Variants in MCC observed in about 807,000 individuals in gnomAD.
The protein encoded by MCC is colorectal mutant cancer protein.
A neutral mutation model predicts 116.2 loss-of-function variants in MCC; 90 were observed. That is an observed-to-expected ratio of 0.77 (90% CI 0.65 to 0.92). MCC has a LOEUF of 0.92. Ranked by LOEUF, MCC falls within the 40% of genes least tolerant of loss-of-function variation. The pLI is 0.00. For missense variants in MCC, 1,516 were observed against 1,312.2 expected, an observed-to-expected ratio of 1.16 and a Z score of -2.40; for synonymous variants, 578 against 510.5, an observed-to-expected ratio of 1.13 and a Z score of -1.78.
intron 1 of MCC, among the ~76,000 whole-genome samples, chr5:113,475,010 C>T (rs1328020846): frequency 6.6e-6 from 1 of 152,158 alleles, no homozygotes; most frequent in Non-Finnish European, 1.5e-5. Context: ...ATGCAGAATT[C>T]TGATATTTAA....
intron 3 of MCC, among the ~76,000 whole-genome samples, chr5:113,153,133 C>G (rs566133934): frequency 6.6e-6 from 1 of 152,310 alleles, no homozygotes; most frequent in South Asian, 2.1e-4. Flanking sequence ...ATTATACCAA[C>G]TCTTGAGAAA....
At chr5:113,237,388 C>T (rs73244763) in intron 3 of MCC, among the ~76,000 whole-genome samples, 6,694 of 152,096 alleles carry the variant, frequency 0.044, 394 homozygotes, top group African/African-American at 0.14. Context: ...CATTGATATG[C>T]GGAAATAAAT....
At chr5:113,278,432 G>C (rs1389926842) in intron 3 of MCC, among the ~76,000 whole-genome samples, 1 of 152,210 alleles carries the variant, frequency 6.6e-6, no homozygotes, top group African/African-American at 2.4e-5. Context: ...GGCCTTTACA[G>C]TGTATTAACT....
At chr5:113,397,634 A>G (rs916166101) in intron 1 of MCC, among the ~76,000 whole-genome samples, 6 of 152,206 alleles carry the variant, frequency 3.9e-5, no homozygotes, top group African/African-American at 1.4e-4. Context: ...GTGGCTAGCT[A>G]TAAGTAGAAG....
rs1581300774 is a variant in MCC, at chr5:113,239,963, A to T, written c.628-88541T>A. Among the ~76,000 whole-genome samples the T allele has an allele frequency of 2.6e-5, 4 of 152,208 alleles. 1 individual carries two copies. The South Asian group carries it at 8.3e-4, about 32-fold the overall frequency. On this transcript the variant is annotated intron_variant, in intron 3 of 18. Transcript: ENST00000408903. ...AGGTTGAGCTTTAGACACAAATCTC[A>T]TCTGGTCATTCATTATATGATTTGT...
chr5:113,466,162 G>A (rs1164985073), intron 1 of MCC, among the ~76,000 whole-genome samples: 2 of 110,024 alleles, frequency 1.8e-5, no homozygotes, highest in Non-Finnish European at 3.7e-5. Flanking sequence ...GTGAAGTTGA[G>A]TAGCCATTCT....
chr5:113,340,944 C>T (rs1581412365), intron 2 of MCC, among the ~76,000 whole-genome samples: 1 of 152,288 alleles, frequency 6.6e-6, no homozygotes, highest in East Asian at 1.9e-4. Flanking sequence ...CATTCAAAAA[C>T]AACTGTCCCA....
intron 17 of MCC, among the ~76,000 whole-genome samples, chr5:113,034,333 G>A (rs910157723): frequency 6.6e-6 from 1 of 152,248 alleles, no homozygotes; most frequent in African/African-American, 2.4e-5. Context: ...ACGCTGGGCA[G>A]AGCGAAGCAA....
intron 11 of MCC, among the ~76,000 whole-genome samples, chr5:113,072,982 C>A (rs984846223): frequency 6.6e-6 from 1 of 152,196 alleles, no homozygotes; most frequent in Admixed American, 6.5e-5. Context: ...ACCGTCTACC[C>A]AACACTACAT....
At chr5:113,233,305 C>T (rs769263682) in intron 3 of MCC, among the ~76,000 whole-genome samples, 1 of 152,098 alleles carries the variant, frequency 6.6e-6, no homozygotes, top group South Asian at 2.1e-4. Flanking sequence ...CGGAAAGTTG[C>T]CAAAAGGTTT....
intron 5 of MCC, among the ~76,000 whole-genome samples, chr5:113,129,900 C>G (rs6594688): frequency 0.94 from 143,211 of 152,268 alleles, 67,857 homozygotes; most frequent in East Asian, 1. Context: ...GTCTAAATTA[C>G]TTCAACCATT....
intron 1 of MCC, among the ~76,000 whole-genome samples, chr5:113,394,715 T>C (rs1769482964): frequency 6.6e-6 from 1 of 152,200 alleles, no homozygotes; most frequent in Non-Finnish European, 1.5e-5. Context: ...TAACTCCCAG[T>C]CTAATTTGAT....
At chr5:113,137,397 GT>G (rs1422171311) in intron 5 of MCC, among the ~76,000 whole-genome samples, 4 of 152,102 alleles carry the variant, frequency 2.6e-5, no homozygotes, top group African/African-American at 9.7e-5. Flanking sequence ...CCATTTTAGG[GT>G]TTTTATCATA....
intron 14 of MCC, among the ~76,000 whole-genome samples, chr5:113,059,607 G>T (rs116631147): frequency 1.6e-4 from 24 of 152,350 alleles, no homozygotes; most frequent in Non-Finnish European, 3.5e-4. Context: ...GAGCGACTGT[G>T]GGGGAAGGCT....
chr5:113,122,767 T>C lies in MCC; in HGVS notation c.944A>G (p.Asn315Ser), dbSNP rs1031284793. The C allele has an allele frequency of 3.1e-6, 5 of 1,614,192 alleles. No individual in the cohort carries two copies. The Middle Eastern group carries it at 4.9e-4, about 160-fold the overall frequency. ...SELSQSQHEVNEDSRSMDQDQ... is the reference protein window; with the variant it reads ...SELSQSQHEVSEDSRSMDQDQ... ...TTGGTCCATGCTTCGAGAGTCCTCG[T>C]TGACCTCGTGTTGGCTCTGGCTGAG... The change falls in exon 6 of 19, where the codon AAC becomes AGC. Residue 315 changes from asparagine to serine, a missense_variant. Transcript: ENST00000408903.
intron 1 of MCC, among the ~76,000 whole-genome samples, chr5:113,405,868 T>G (rs552500660): frequency 2.5e-3 from 379 of 152,290 alleles, no homozygotes; most frequent in Non-Finnish European, 4.0e-3. Context: ...TTATTAATAT[T>G]ATTTCAAGTA....
Position 113,114,732 on chromosome 5 carries a change from G to A in MCC, c.1027+7952C>T, listed in dbSNP as rs564121027. Among the ~76,000 whole-genome samples, 35 of 152,270 alleles carry A rather than the reference G, an allele frequency of 2.3e-4. 1 individual carries two copies. The highest frequency in any genetic ancestry group is 4.3e-4 in the African/African-American group (18 of 41,550). On this transcript the variant is annotated intron_variant, in intron 6 of 18. Coordinates refer to ENST00000408903, the MANE Select transcript of MCC (RefSeq NM_001085377.2). ...AGCGATGGCTTGACACCGTTGCTTC[G>A]GAGAGGAGTCTGGCTGGGGACAGCC...
At chr5:113,485,374 C>T (rs921357594) in intron 1 of MCC, among the ~76,000 whole-genome samples, 1 of 152,176 alleles carries the variant, frequency 6.6e-6, no homozygotes, top group Admixed American at 6.5e-5. Context: ...CTATTTCCTG[C>T]TCTTAGTAAC....
chr5:113,134,727 T>C (rs986587245), intron 5 of MCC, among the ~76,000 whole-genome samples: 1 of 151,884 alleles, frequency 6.6e-6, no homozygotes, highest in African/African-American at 2.4e-5. Flanking sequence ...TGAAATTTTT[T>C]TGTGTGTGAA....
Sources: gnomAD v4.1 joint callset for allele counts (sites outside exome capture counted in the v4.1 genomes callset) on GRCh38, gnomAD v4.1.1 for gene constraint, MANE v1.5 for transcripts, NCBI Gene and HGNC (gene_info 2026-07-23, HGNC 2026-07-21) for gene names.